USP46: variants seen among roughly 807,000 people sequenced by gnomAD.
The protein encoded by USP46 is ubiquitin carboxyl-terminal hydrolase 46.
USP46 carries 12 observed loss-of-function variants against 44.4 expected under a neutral mutation model. The ratio of observed to expected loss-of-function variants is 0.27; its 90% confidence interval spans 0.17 to 0.44. USP46 has a LOEUF of 0.44. Among genes scored for constraint, USP46 ranks in the 20% least tolerant of loss-of-function variants. USP46 has a pLI of 1.00. For missense variants in USP46, 248 were observed against 444.8 expected, an observed-to-expected ratio of 0.56 and a Z score of 3.98; for synonymous variants, 155 against 161.5, an observed-to-expected ratio of 0.96 and a Z score of 0.31.
chr4:52,653,841 A>G (rs1337231971), intron 1 of USP46, among the ~76,000 whole-genome samples: 2 of 151,940 alleles, frequency 1.3e-5, no homozygotes, highest in Non-Finnish European at 2.9e-5. Context: ...CAGGAGGGGG[A>G]AAAAAAAGAC....
rs1335817975 is a variant in USP46, at chr4:52,593,593, T to G, written c.*4047A>C. 1 of 152,270 alleles carries G rather than the reference T, an allele frequency of 6.6e-6. No homozygotes were observed. Among genetic ancestry groups the G allele is most frequent in the Non-Finnish European group, 1.5e-5 (1 of 68,060 alleles). 9.4% of individuals were successfully genotyped at this position (152,270 alleles called of 1,614,324 possible). A position where few individuals can be genotyped will look rare whatever the true frequency, so the allele number is the denominator to read the frequency against. ...TACTGTAGGCTTCACTGAGGCCACA[T>G]GGCATGGACCTGTGCCTGCCCTCCT... is the stretch of plus-strand genomic sequence containing the variant. On this transcript the variant is annotated 3_prime_UTR_variant, in exon 9 of 9. Coordinates refer to ENST00000441222, the MANE Select transcript of USP46 (RefSeq NM_022832.4).
intron 3 of USP46, among the ~76,000 whole-genome samples, chr4:52,626,865 T>C (rs1717610685): frequency 6.6e-6 from 1 of 152,222 alleles, no homozygotes; most frequent in Non-Finnish European, 1.5e-5. Flanking sequence ...CCTGATAAAA[T>C]ATCAATTTTT....
chr4:52,604,420 T>C, intron 6 of USP46, 81 bp downstream of exon 6: 1 of 1,225,440 alleles, frequency 8.2e-7, no homozygotes, highest in African/African-American at 1.5e-5. Flanking sequence ...CTGAGATTGA[T>C]TCAAAGCCAA....
At chr4:52,615,502 T>C (rs1717099387) in intron 4 of USP46, among the ~76,000 whole-genome samples, 1 of 152,092 alleles carries the variant, frequency 6.6e-6, no homozygotes, top group South Asian at 2.1e-4. Flanking sequence ...ATAGCCCCCA[T>C]AATAGAGCCT....
At chr4:52,657,239 C>T (rs1312961620) in intron 1 of USP46, among the ~76,000 whole-genome samples, 1 of 152,048 alleles carries the variant, frequency 6.6e-6, no homozygotes, top group Non-Finnish European at 1.5e-5. Context: ...GAGATGTCAA[C>T]TCTCAGGGCA....
intron 7 of USP46, among the ~76,000 whole-genome samples, 171 bp from the exon 8 acceptor site, chr4:52,598,877 G>A (rs1716346549): frequency 6.6e-6 from 1 of 152,128 alleles, no homozygotes; most frequent in South Asian, 2.1e-4. Context: ...TGGACACAGG[G>A]GAATACAAAA....
intron 5 of USP46, among the ~76,000 whole-genome samples, chr4:52,610,219 C>T (rs1392760981): frequency 6.6e-6 from 1 of 151,968 alleles, no homozygotes; most frequent in Non-Finnish European, 1.5e-5. Context: ...CCACCGCGCC[C>T]GGCCTCAATT....
In USP46 at chr4:52,659,227, CG is replaced by C; in HGVS notation, c.-78del. On this transcript the variant is annotated 5_prime_UTR_variant, in exon 1 of 9. Coordinates refer to ENST00000441222, the MANE Select transcript of USP46 (RefSeq NM_022832.4). The surrounding 1 kb of genome is among the most constrained non-coding windows in gnomAD (Gnocchi z 4.2). The stretch of plus-strand genomic sequence containing the variant: ...GGGACTGCCCATGGTGGCGCGCTGG[CG>C]GGGAGGCCGGGCGGCAGCGCGGCGG... 1 of 1,255,836 alleles carries C rather than the reference CG, an allele frequency of 8.0e-7. No individual in the cohort carries two copies. The highest frequency in any genetic ancestry group is 1.0e-6 in the Non-Finnish European group (1 of 970,904). The allele number at this position is 1,255,836 out of a possible 1,614,324, so 77.8% of individuals were successfully genotyped here.
In USP46 at chr4:52,592,960, T is replaced by A; in HGVS notation, c.*4680A>T. On this transcript the variant is annotated 3_prime_UTR_variant, in exon 9 of 9. Transcript: ENST00000441222. ...TGCTGATTGTAAGTTTCCTGAGGCC[T>A]CCCCCAGAACAGAAGCCTGTACAGC... 1 of 398,372 alleles carries A rather than the reference T, an allele frequency of 2.5e-6. No homozygotes were observed. 24.7% of individuals were successfully genotyped at this position (398,372 alleles called of 1,614,324 possible).
Position 52,597,782 on chromosome 4 carries a change from T to C in USP46, c.1000-41A>G, listed in dbSNP as rs773775100. ...AAGAAAACAACACAATTACTTAACA[T>C]GATTCCTGGGGAAAGGAAATAAAAA... On this transcript the variant is annotated intron_variant, in intron 8 of 8. Transcript: ENST00000441222. 23 of 1,389,542 alleles carry C rather than the reference T, an allele frequency of 1.7e-5. No individual in the cohort carries two copies. In the South Asian group the frequency reaches 3.0e-4, roughly 18 times the overall value. The allele number at this position is 1,389,542 out of a possible 1,614,324, so 86.1% of individuals were successfully genotyped here. A position where few individuals can be genotyped will look rare whatever the true frequency, so the allele number is the denominator to read the frequency against.
chr4:52,633,005 A>G (rs1330403139), intron 1 of USP46, among the ~76,000 whole-genome samples: 1 of 124,836 alleles, frequency 8.0e-6, no homozygotes, highest in African/African-American at 3.3e-5. Flanking sequence ...AAAGAAAGAA[A>G]GAAAGAAAGA....
chr4:52,618,468 TGACAGAGTGA>T (rs1481987587), intron 4 of USP46, among the ~76,000 whole-genome samples: 1 of 151,594 alleles, frequency 6.6e-6, no homozygotes, highest in African/African-American at 2.4e-5. Context: ...CCAGCCTGGG[TGACAGAGTGA>T]GACTCCATCT....
At chr4:52,618,651 G>A (rs1225876890) in intron 4 of USP46, among the ~76,000 whole-genome samples, 1 of 152,146 alleles carries the variant, frequency 6.6e-6, no homozygotes, top group African/African-American at 2.4e-5. Context: ...TGATGAGGTG[G>A]CTGTTCTGCA....
chr4:52,654,079 A>G (rs1239145281), intron 1 of USP46, among the ~76,000 whole-genome samples: 1 of 152,242 alleles, frequency 6.6e-6, no homozygotes, highest in Non-Finnish European at 1.5e-5. Context: ...GAGTCCAAGA[A>G]AAACAGAAAA....
intron 1 of USP46, among the ~76,000 whole-genome samples, chr4:52,649,795 T>C (rs1020793944): frequency 1.3e-5 from 2 of 152,184 alleles, no homozygotes; most frequent in African/African-American, 4.8e-5. Flanking sequence ...CACTGAATAA[T>C]ACAAATAAAT....
chr4:52,646,560 G>C (rs1391167066), intron 1 of USP46, among the ~76,000 whole-genome samples: 1 of 152,008 alleles, frequency 6.6e-6, no homozygotes. Context: ...TATCTGTCAA[G>C]TTTAGTAACA....
At chr4:52,657,064 G>C (rs968344373) in intron 1 of USP46, among the ~76,000 whole-genome samples, 61 of 126,934 alleles carry the variant, frequency 4.8e-4, no homozygotes, top group Non-Finnish European at 9.3e-4. Context: ...AAAAAAAAAA[G>C]AACCAGGACC....
intron 1 of USP46, among the ~76,000 whole-genome samples, chr4:52,657,519 C>T (rs11937646): frequency 0.13 from 20,109 of 152,152 alleles, 1,367 homozygotes; most frequent in African/African-American, 0.18. Context: ...CCTCACTACC[C>T]TGTAGTATCC....
chr4:52,656,345 A>G (rs1413756204), intron 1 of USP46: 1 of 1,516,126 alleles, frequency 6.6e-7, no homozygotes, highest in Non-Finnish European at 8.9e-7. Flanking sequence ...GGTCCAGTTA[A>G]TATTTACGTC....
Sources: allele counts gnomAD v4.1 joint callset (sites outside exome capture counted in the v4.1 genomes callset), GRCh38; gene constraint gnomAD v4.1.1; non-coding constraint Gnocchi (gnomAD v3.1); transcripts MANE v1.5; gene names NCBI Gene and HGNC (gene_info 2026-07-23, HGNC 2026-07-21).